Variants in DNAH2 observed in about 807,000 individuals in gnomAD.
The protein encoded by DNAH2 is dynein axonemal heavy chain 2, also known as axonemal beta dynein heavy chain 2.
In DNAH2, 323 loss-of-function variants were observed where a neutral mutation model predicts 523.5. The ratio of observed to expected loss-of-function variants is 0.62; its 90% CI spans 0.56 to 0.68. The LOEUF is 0.68. Among genes scored for constraint, DNAH2 ranks in the 30% least tolerant of loss-of-function variants. DNAH2 has a pLI of 0.00. For missense variants in DNAH2, 4,907 were observed against 5,701.5 expected (o/e 0.86, Z 4.49); for synonymous variants, 2,093 against 2,177.4 (o/e 0.96, Z 1.08).
At position 7,791,933 on chromosome 17, in the gene DNAH2, G is replaced by A; in HGVS notation, c.6917G>A (p.Gly2306Asp). ...TCCATCCAGGTGAACCCAGCTGACG[G>A]CGAGAACTATGTCACCATGGTAGAG... is the stretch of plus-strand genomic sequence containing the variant. The part of the protein sequence containing the change: ...TPENGVNPAD[G>D]ENYVTMVEMT... The change falls in exon 45 of 86, where the codon GGC becomes GAC. Residue 2306 changes from glycine (G) to aspartate (D), a missense_variant. Gly to Asp is a moderately conservative substitution (Grantham distance 94). This residue lies in a region of DNAH2 where 2,806 missense variants were observed against 3,190.8 expected (regional missense o/e 0.88). Coordinates refer to ENST00000572933, the MANE Select transcript of DNAH2 (RefSeq NM_020877.5). 6.2e-7 allele frequency: 1 copy of A among 1,613,678 alleles called. No individual in the cohort carries two copies. The highest frequency in any genetic ancestry group is 8.5e-7 in the Non-Finnish European group (1 of 1,179,866).
At chr17:7,803,385 A>G (rs2077275726) in intron 58 of DNAH2, among the ~76,000 whole-genome samples, 1 of 152,204 alleles carries the variant, frequency 6.6e-6, no homozygotes. Flanking sequence ...AAAGATACAA[A>G]TAAGGCTGGG....
In DNAH2 at chr17:7,821,485, G is replaced by A. The variant is rs2077854060; in HGVS notation, c.11142+116G>A. 7.2e-7 allele frequency: 1 copy of A among 1,391,876 alleles called. No homozygotes were observed. The highest frequency in any genetic ancestry group is 2.7e-5 in the Admixed American group (1 of 37,590). 86.2% of individuals were successfully genotyped at this position (1,391,876 alleles called of 1,614,324 possible). ...GGCCCACAGCATCAGTGAGTGAGCT[G>A]AGAAAATCCAGGCCAGCATCAGGTG... On this transcript the variant is annotated intron_variant, in intron 73 of 85. Coordinates refer to ENST00000572933, the MANE Select transcript of DNAH2 (RefSeq NM_020877.5). The surrounding 1 kb of genome is among the most constrained non-coding windows in gnomAD (Gnocchi z 5.0).
At chr17:7,750,873 C>T (rs559344088) in intron 12 of DNAH2, among the ~76,000 whole-genome samples, 26 of 152,126 alleles carry the variant, frequency 1.7e-4, no homozygotes, top group South Asian at 6.2e-4. Flanking sequence ...CCAATAAAGA[C>T]GGTAAAAACA....
rs759920836 is a variant in DNAH2 at position 7,770,569 on chromosome 17, A to G, written c.4111A>G (p.Ile1371Val). ...ELAIEVALQN[I>V]AKTWDVTQLD... The stretch of plus-strand genomic sequence containing the variant: ...TTTCTCTCCACAGGCTTTACAAAAC[A>G]TTGCCAAGACCTGGGATGTGACTCA... The change falls in exon 26 of 86, where the codon ATT (isoleucine) becomes GTT (valine). Residue 1371 changes from isoleucine (I) to valine (V), a missense_variant. Around this residue, in one of 3 missense-constraint regions of DNAH2, gnomAD observed 2,806 missense variants for 3,190.8 expected, o/e 0.88. Coordinates refer to ENST00000572933, the MANE Select transcript of DNAH2 (RefSeq NM_020877.5). 5.6e-6 allele frequency: 9 copies of G among 1,614,020 alleles called. No homozygotes were observed. Among genetic ancestry groups the G allele is most frequent in the Admixed American group, 1.7e-5 (1 of 59,990 alleles).
In DNAH2 at chr17:7,828,470, CAG is replaced by C. The variant is rs1480390785; in HGVS notation, c.11854-1825_11854-1824del. ...ATTCATTTTTTCCTCTTTTTTTAGA[CAG>C]AGAGGGTCTTGCTCTATAGCCCAGG... On this transcript the variant is annotated intron_variant, in intron 77 of 85. Coordinates refer to ENST00000572933, the MANE Select transcript of DNAH2 (RefSeq NM_020877.5). The surrounding 1 kb of genome is among the most constrained non-coding windows in gnomAD (Gnocchi z 4.1). Among the ~76,000 whole-genome samples, 4 of 152,070 alleles carry C rather than the reference CAG, an allele frequency of 2.6e-5. No individual in the cohort carries two copies. The highest frequency in any genetic ancestry group is 7.3e-5 in the African/African-American group (3 of 41,352).
intron 4 of DNAH2, 130 bp downstream of exon 4, chr17:7,727,422 C>A: frequency 1.6e-6 from 2 of 1,238,976 alleles, no homozygotes; most frequent in Non-Finnish European, 1.1e-6. Flanking sequence ...GTCAGGCACC[C>A]TACTTGGTGG....
intron 13 of DNAH2, among the ~76,000 whole-genome samples, chr17:7,758,117 CCAGCTG>C (rs2075895644): frequency 6.6e-6 from 1 of 152,220 alleles, no homozygotes; most frequent in Non-Finnish European, 1.5e-5. Context: ...ATGGTGGCCT[CCAGCTG>C]CATGTGGCTA....
chr17:7,814,606 GC>G (rs1029728749), intron 63 of DNAH2, among the ~76,000 whole-genome samples: 1 of 152,246 alleles, frequency 6.6e-6, no homozygotes. Flanking sequence ...GGGCGTGGTG[GC>G]TCACGCCTGT....
chr17:7,734,210 C>A lies in DNAH2; in HGVS notation c.656C>A (p.Thr219Lys), dbSNP rs572643510. The change falls in exon 6 of 86, where the codon ACG becomes AAG. Residue 219 changes from threonine to lysine, a missense_variant. Around this residue, in one of 3 missense-constraint regions of DNAH2, gnomAD observed 2,806 missense variants for 3,190.8 expected, o/e 0.88. Coordinates refer to ENST00000572933, the MANE Select transcript of DNAH2 (RefSeq NM_020877.5). The part of the protein sequence containing the change: ...TDTRYKLEGH[T>K]VLYIPAEAMN... The stretch of plus-strand genomic sequence containing the variant: ...ACTCGGTACAAACTGGAGGGGCACA[C>A]GGTCCTCTACATCCCTGCAGAGGCC... 20 of 1,601,936 alleles carry A rather than the reference C, an allele frequency of 1.2e-5. No individual in the cohort carries two copies. Among genetic ancestry groups the A allele is most frequent in the Non-Finnish European group, 1.6e-5 (19 of 1,173,924 alleles).
rs144992514 is a variant in DNAH2, at chr17:7,771,002, T to C, written c.4362+69T>C. 1,227 of 1,554,792 alleles carry C rather than the reference T, an allele frequency of 7.9e-4. 13 individuals are homozygous for C. The highest frequency in any genetic ancestry group is 3.3e-3 in the Middle Eastern group (14 of 4,238). On this transcript the variant is annotated intron_variant, in intron 27 of 85. Transcript: ENST00000572933. Reference sequence around the variant, plus strand: ...TCCTTCTTTTTCTTAAGACCTAGATTTTGCCCTGTTATCAGCCTCATTCTC... The same window carrying C: ...TCCTTCTTTTTCTTAAGACCTAGATCTTGCCCTGTTATCAGCCTCATTCTC...
At chr17:7,773,057 A>G (rs1348167210) in intron 28 of DNAH2, among the ~76,000 whole-genome samples, 3 of 152,080 alleles carry the variant, frequency 2.0e-5, no homozygotes, top group African/African-American at 7.2e-5. Context: ...TATAGGCATG[A>G]GCCACCACAC....
chr17:7,772,598 A>G (rs1017249660), intron 28 of DNAH2, among the ~76,000 whole-genome samples: 2 of 152,210 alleles, frequency 1.3e-5, no homozygotes, highest in Non-Finnish European at 1.5e-5. Context: ...GTTCACACTC[A>G]CTAGTGTCCC....
At chr17:7,740,714 A>C in intron 10 of DNAH2, 96 bp from the exon 11 acceptor site, 1 of 1,535,540 alleles carries the variant, frequency 6.5e-7, no homozygotes, top group East Asian at 2.3e-5. Flanking sequence ...CGGGAGTGTG[A>C]CTCCCGCAGC....
chr17:7,819,058 C>A lies in DNAH2; in HGVS notation c.10810C>A (p.Arg3604=), dbSNP rs202094383. 7.5e-6 allele frequency: 12 copies of A among 1,604,424 alleles called. No homozygotes were observed. In the East Asian group the frequency reaches 8.9e-5, roughly 12 times the overall value. Residue 3604 remains arginine, a synonymous_variant, in exon 71 of 86, where the codon CGG becomes AGG. Transcript: ENST00000572933. ...CACAGAGATCAACACTGACTTGGCG[C>A]GGGAGGTAAGCTCCCGGCCCTCCAG... ...ETTEINTDLA[R]EAYRPCAQRA... is the part of the protein sequence containing the mutation.
chr17:7,746,282 T>C (rs1419141641), intron 12 of DNAH2, among the ~76,000 whole-genome samples: 1 of 152,212 alleles, frequency 6.6e-6, no homozygotes, highest in Admixed American at 6.5e-5. Flanking sequence ...GCTCCTCTGC[T>C]GTCCCCTAGG....
Position 7,787,400 on chromosome 17 carries a change from ATTT to A in DNAH2, c.6603+370_6603+372del, listed in dbSNP as rs1597657440. 1.3e-5 allele frequency: 4 copies of A among 309,828 alleles called. No homozygotes were observed. The Admixed American group carries it at 1.9e-4, about 14-fold the overall frequency. 19.2% of individuals were successfully genotyped at this position (309,828 alleles called of 1,614,324 possible). On this transcript the variant is annotated intron_variant, in intron 42 of 85. Coordinates refer to ENST00000572933, the MANE Select transcript of DNAH2 (RefSeq NM_020877.5). ...CTCCAACAATGCGAGCAAGAGAGTG[ATTT>A]TTCAAAAGGACAACCTTGAATAAGC... is the stretch of plus-strand genomic sequence containing the variant.
intron 7 of DNAH2, among the ~76,000 whole-genome samples, chr17:7,735,502 G>C (rs150542628): frequency 6.6e-6 from 1 of 151,848 alleles, no homozygotes; most frequent in Non-Finnish European, 1.5e-5. Context: ...GCAGTGGCAC[G>C]ATCTCGGCTC....
intron 18 of DNAH2, among the ~76,000 whole-genome samples, chr17:7,763,514 C>T (rs570903233): frequency 1.3e-5 from 2 of 152,202 alleles, no homozygotes; most frequent in Non-Finnish European, 2.9e-5. Context: ...CTCCTGACCT[C>T]GTGATTCACC....
At chr17:7,758,395 A>G in intron 13 of DNAH2, 100 bp from the exon 14 acceptor site, 2 of 1,400,770 alleles carry the variant, frequency 1.4e-6, no homozygotes, top group Non-Finnish European at 1.9e-6. Flanking sequence ...AATCTAGACT[A>G]GTGGTCTAGA....
Sources: allele counts gnomAD v4.1 joint callset (sites outside exome capture counted in the v4.1 genomes callset), GRCh38; gene constraint gnomAD v4.1.1; regional missense constraint gnomAD v4.1.1; non-coding constraint Gnocchi (gnomAD v3.1); transcripts MANE v1.5; gene names NCBI Gene and HGNC (gene_info 2026-07-23, HGNC 2026-07-21).